The following SOX5 variants were observed in gnomAD, a reference collection of about 807,000 sequenced individuals.
The protein encoded by SOX5 is transcription factor SOX-5.
A neutral mutation model predicts 92.0 loss-of-function variants in SOX5; 9 were observed. The ratio of observed to expected loss-of-function variants is 0.10; its 90% CI spans 0.06 to 0.17. The LOEUF is 0.17. SOX5 is among the 10% of genes least tolerant of loss of function. The pLI is 1.00. For missense variants in SOX5, 642 were observed against 944.5 expected (o/e 0.68, Z 4.20); for synonymous variants, 344 against 336.3 (o/e 1.02, Z -0.25).
intron 1 of SOX5, among the ~76,000 whole-genome samples, chr12:24,512,215 T>A (rs1007852589): frequency 6.6e-6 from 1 of 152,334 alleles, no homozygotes; most frequent in Non-Finnish European, 1.5e-5. Context: ...GGTAAAGTGA[T>A]ACTCTGTTAA....
At chr12:24,371,964 G>T (rs1031901590) in intron 1 of SOX5, among the ~76,000 whole-genome samples, 5 of 151,790 alleles carry the variant, frequency 3.3e-5, no homozygotes, top group African/African-American at 1.2e-4. Flanking sequence ...CTCTAGCGTG[G>T]GTGACAGAGT....
intron 4 of SOX5, among the ~76,000 whole-genome samples, chr12:23,750,919 C>T (rs1013508265): frequency 2.6e-5 from 4 of 151,782 alleles, no homozygotes; most frequent in South Asian, 2.1e-4. Context: ...CGTCATGAGA[C>T]GGAGCAAATC....
intron 4 of SOX5, among the ~76,000 whole-genome samples, chr12:24,117,828 T>G (rs964524729): frequency 6.6e-6 from 1 of 151,972 alleles, no homozygotes; most frequent in African/African-American, 2.4e-5. Flanking sequence ...AAGACCAGCC[T>G]GGCCAACATA....
intron 4 of SOX5, among the ~76,000 whole-genome samples, chr12:24,065,645 CAAAAAAA>C (rs71445983): frequency 4.9e-5 from 4 of 81,626 alleles, no homozygotes; most frequent in South Asian, 4.3e-4. Context: ...GACTCCATCT[CAAAAAAA>C]AAAAAAAAAA....
intron 3 of SOX5, among the ~76,000 whole-genome samples, chr12:24,265,459 A>T (rs1315777772): frequency 1.3e-5 from 2 of 152,130 alleles, no homozygotes; most frequent in Admixed American, 6.6e-5. Context: ...TGGGAAAATC[A>T]CTTCAGTCCA....
intron 3 of SOX5, among the ~76,000 whole-genome samples, chr12:23,760,615 C>G (rs1303784038): frequency 4.3e-4 from 1 of 2,328 alleles, no homozygotes; most frequent in African/African-American, 4.9e-4. Flanking sequence ...AGTGAATGGC[C>G]CCCCCCAACT....
intron 3 of SOX5, among the ~76,000 whole-genome samples, chr12:24,253,442 C>G (rs1940559131): frequency 6.6e-6 from 1 of 151,896 alleles, no homozygotes; most frequent in Non-Finnish European, 1.5e-5. Flanking sequence ...AGAAAAGACA[C>G]CATTGATCCT....
At chr12:24,053,420 G>A (rs774912844) in intron 4 of SOX5, among the ~76,000 whole-genome samples, 8 of 152,114 alleles carry the variant, frequency 5.3e-5, no homozygotes, top group South Asian at 2.1e-4. Context: ...ATGAGCTACC[G>A]CGCCTGGCCC....
At chr12:23,694,908 CA>C (rs1241485771) in intron 6 of SOX5, among the ~76,000 whole-genome samples, 2 of 152,066 alleles carry the variant, frequency 1.3e-5, no homozygotes, top group Non-Finnish European at 1.5e-5. Flanking sequence ...CACCTGAGCT[CA>C]GGAGTTTCAA....
chr12:23,595,140 T>A (rs989628331), intron 9 of SOX5, among the ~76,000 whole-genome samples: 1 of 152,194 alleles, frequency 6.6e-6, no homozygotes, highest in Non-Finnish European at 1.5e-5. Flanking sequence ...TTAAATTTGA[T>A]ATATGATAGA....
At chr12:24,347,410 T>C (rs140030425) in intron 2 of SOX5, among the ~76,000 whole-genome samples, 189 of 152,290 alleles carry the variant, frequency 1.2e-3, no homozygotes, top group Admixed American at 3.6e-3. Flanking sequence ...AACAGCTAAA[T>C]CAAGCTAATT....
At chr12:23,965,067 C>T (rs1277730074) in intron 4 of SOX5, among the ~76,000 whole-genome samples, 1 of 152,206 alleles carries the variant, frequency 6.6e-6, no homozygotes, top group African/African-American at 2.4e-5. Flanking sequence ...CAGGCGAGCA[C>T]AGCACAAAGG....
chr12:23,802,401 AT>A (rs1177299713), intron 3 of SOX5, among the ~76,000 whole-genome samples: 1 of 152,096 alleles, frequency 6.6e-6, no homozygotes, highest in Non-Finnish European at 1.5e-5. Context: ...TTTAAATCAC[AT>A]GAGACCCAAC....
chr12:24,143,396 G>A (rs969090597), intron 4 of SOX5, among the ~76,000 whole-genome samples: 3 of 152,070 alleles, frequency 2.0e-5, no homozygotes, highest in Non-Finnish European at 2.9e-5. Context: ...ACCCAGAAAT[G>A]ACACAGATGT....
At chr12:23,709,251 G>A (rs559087103) in intron 6 of SOX5, among the ~76,000 whole-genome samples, 47 of 152,144 alleles carry the variant, frequency 3.1e-4, no homozygotes, top group African/African-American at 1.1e-3. Context: ...ATGGGTGAGT[G>A]CCATCATCCC....
intron 3 of SOX5, among the ~76,000 whole-genome samples, chr12:23,766,456 A>G (rs1226328451): frequency 2.0e-5 from 3 of 152,088 alleles, no homozygotes; most frequent in Non-Finnish European, 4.4e-5. Flanking sequence ...CAGGGCAATC[A>G]GAGAGTATGG....
At chr12:23,682,238 T>C (rs1175297039) in intron 6 of SOX5, among the ~76,000 whole-genome samples, 2 of 151,820 alleles carry the variant, frequency 1.3e-5, no homozygotes, top group East Asian at 1.9e-4. Flanking sequence ...AATATGATGA[T>C]AGTATTTAGT....
chr12:23,973,611 G>A (rs1333007998), intron 4 of SOX5, among the ~76,000 whole-genome samples: 1 of 152,144 alleles, frequency 6.6e-6, no homozygotes, highest in African/African-American at 2.4e-5. Flanking sequence ...AACTGCAGGA[G>A]ACACATTCCA....
chr12:23,559,009 T>C (rs1281917587), intron 11 of SOX5, among the ~76,000 whole-genome samples: 4 of 152,218 alleles, frequency 2.6e-5, no homozygotes, highest in African/African-American at 7.2e-5. Flanking sequence ...GTTAAGTATA[T>C]ATGGAGTGAG....
Sources: gnomAD v4.1 joint callset for allele counts (sites outside exome capture counted in the v4.1 genomes callset) on GRCh38, gnomAD v4.1.1 for gene constraint, MANE v1.5 for transcripts, NCBI Gene and HGNC (gene_info 2026-07-23, HGNC 2026-07-21) for gene names.